Variants in FSTL5 observed in about 807,000 individuals in gnomAD.
FSTL5 encodes follistatin like 5, also known as follistatin-related protein 5.
FSTL5 carries 62 observed loss-of-function variants against 89.1 expected under a neutral mutation model. That is an observed-to-expected ratio of 0.70 (90% CI 0.57 to 0.86). The LOEUF (loss-of-function observed/expected upper bound fraction) is 0.86. Among genes scored for constraint, FSTL5 ranks in the 40% least tolerant of loss-of-function variants. The pLI is 0.00. For missense variants in FSTL5, 1,057 were observed against 1,001.6 expected (o/e 1.06, Z -0.75); for synonymous variants, 383 against 346.2 (o/e 1.11, Z -1.18).
At chr4:162,055,236 T>A (rs1041054878) in intron 2 of FSTL5, among the ~76,000 whole-genome samples, 2 of 151,830 alleles carry the variant, frequency 1.3e-5, no homozygotes, top group Admixed American at 6.6e-5. Context: ...GATTTAAAAA[T>A]ATATATATTT....
chr4:161,726,227 CTTTTTTT>C (rs5863477), intron 6 of FSTL5, among the ~76,000 whole-genome samples: 1 of 113,678 alleles, frequency 8.8e-6, no homozygotes, highest in East Asian at 2.6e-4. Context: ...TTTTCTTTTT[CTTTTTTT>C]TTTTTTTTTT....
chr4:162,157,518 G>A (rs757604929), intron 1 of FSTL5, among the ~76,000 whole-genome samples: 18 of 151,736 alleles, frequency 1.2e-4, no homozygotes, highest in Non-Finnish European at 2.2e-4. Context: ...GACTTCCTAG[G>A]GCTCCACAGA....
In FSTL5 at chr4:162,081,912, A is replaced by C. The variant is rs113291242; in HGVS notation, c.126+29359T>G. On this transcript the variant is annotated intron_variant, in intron 2 of 15. Transcript: ENST00000306100. ...GCTCAGTAAACAAAAATCAGCCCTT[A>C]ATCCTAATAAAACATCTTAAACAAG... Among the ~76,000 whole-genome samples the C allele has an allele frequency of 1.4e-3, 206 of 151,608 alleles. 2 individuals are homozygous for C. The highest frequency in any genetic ancestry group is 3.8e-3 in the Admixed American group (58 of 15,164).
At chr4:161,894,279 GA>G (rs956761385) in intron 4 of FSTL5, among the ~76,000 whole-genome samples, 3 of 151,940 alleles carry the variant, frequency 2.0e-5, no homozygotes, top group African/African-American at 4.8e-5. Flanking sequence ...GTCCTGGCAT[GA>G]AAAAAATCAA....
chr4:161,833,147 T>A (rs1730905075), intron 4 of FSTL5, among the ~76,000 whole-genome samples: 1 of 151,692 alleles, frequency 6.6e-6, no homozygotes, highest in East Asian at 1.9e-4. Flanking sequence ...TACCCAGTAG[T>A]CATTCAGGAG....
At chr4:162,041,329 G>A (rs1737947725) in intron 2 of FSTL5, among the ~76,000 whole-genome samples, 4 of 151,834 alleles carry the variant, frequency 2.6e-5, no homozygotes, top group Admixed American at 2.6e-4. Flanking sequence ...CTGCAAAACA[G>A]CAAATAGTGT....
intron 10 of FSTL5, among the ~76,000 whole-genome samples, chr4:161,519,933 T>C (rs929040188): frequency 2.0e-5 from 3 of 152,164 alleles, no homozygotes; most frequent in East Asian, 1.9e-4. Flanking sequence ...ATATATTAAG[T>C]GCCTGGCACA....
At chr4:162,090,022 G>C (rs1393084801) in intron 2 of FSTL5, among the ~76,000 whole-genome samples, 1 of 152,056 alleles carries the variant, frequency 6.6e-6, no homozygotes, top group Non-Finnish European at 1.5e-5. Flanking sequence ...AATGGTGCTG[G>C]GATAACTGGC....
chr4:161,922,688 T>C (rs918528707), intron 3 of FSTL5, among the ~76,000 whole-genome samples: 16 of 151,990 alleles, frequency 1.1e-4, no homozygotes, highest in African/African-American at 3.9e-4. Flanking sequence ...AAAATATATA[T>C]ACTAAGAGAA....
At chr4:161,633,977 A>T (rs188448705) in intron 7 of FSTL5, among the ~76,000 whole-genome samples, 1 of 152,224 alleles carries the variant, frequency 6.6e-6, no homozygotes, top group Non-Finnish European at 1.5e-5. Context: ...ATTATTTTGG[A>T]GTTACCTTTC....
At chr4:161,613,261 G>A (rs1038418057) in intron 7 of FSTL5, among the ~76,000 whole-genome samples, 4 of 152,052 alleles carry the variant, frequency 2.6e-5, no homozygotes, top group Admixed American at 6.6e-5. Context: ...GACCATCCTG[G>A]CCAAAATGGT....
intron 3 of FSTL5, among the ~76,000 whole-genome samples, chr4:161,979,158 G>A (rs1385529500): frequency 4.6e-5 from 7 of 152,196 alleles, no homozygotes; most frequent in African/African-American, 1.7e-4. Flanking sequence ...GGATGTCAGA[G>A]GCTTGAAATG....
At chr4:161,460,305 T>C (rs1284655003) in intron 13 of FSTL5, among the ~76,000 whole-genome samples, 1 of 151,720 alleles carries the variant, frequency 6.6e-6, no homozygotes, top group East Asian at 1.9e-4. Flanking sequence ...TTGTCACATA[T>C]GTATACATGT....
intron 6 of FSTL5, among the ~76,000 whole-genome samples, chr4:161,736,153 C>A (rs1739808111): frequency 1.3e-5 from 2 of 151,990 alleles, no homozygotes; most frequent in Non-Finnish European, 2.9e-5. Context: ...TGAATCCTAT[C>A]CCAACATTTG....
intron 3 of FSTL5, among the ~76,000 whole-genome samples, chr4:161,980,798 A>C (rs1735806402): frequency 8.4e-6 from 1 of 119,414 alleles, no homozygotes; most frequent in South Asian, 2.9e-4. Context: ...TTTTTTAGAG[A>C]CAGAGTCTCA....
chr4:161,536,598 G>T (rs1225680365), intron 10 of FSTL5, among the ~76,000 whole-genome samples: 1 of 151,990 alleles, frequency 6.6e-6, no homozygotes, highest in African/African-American at 2.4e-5. Flanking sequence ...TTAATTACAT[G>T]CATGATTATT....
At chr4:161,863,837 G>A (rs1216413644) in intron 4 of FSTL5, among the ~76,000 whole-genome samples, 3 of 152,160 alleles carry the variant, frequency 2.0e-5, no homozygotes, top group African/African-American at 7.2e-5. Context: ...AGCACCGCTG[G>A]GAGGGGTCTG....
At chr4:161,974,509 C>G (rs1735575498) in intron 3 of FSTL5, among the ~76,000 whole-genome samples, 1 of 132,178 alleles carries the variant, frequency 7.6e-6, no homozygotes, top group Non-Finnish European at 1.6e-5. Context: ...GGAAAGGATT[C>G]CCTATTTAAT....
At chr4:161,510,737 T>A (rs1187446183) in intron 10 of FSTL5, among the ~76,000 whole-genome samples, 1 of 151,714 alleles carries the variant, frequency 6.6e-6, no homozygotes, top group Non-Finnish European at 1.5e-5. Context: ...TTGAAATGTA[T>A]TTTTAGAGCA....
Sources: allele counts gnomAD v4.1 joint callset (sites outside exome capture counted in the v4.1 genomes callset), GRCh38; gene constraint gnomAD v4.1.1; transcripts MANE v1.5; gene names NCBI Gene and HGNC (gene_info 2026-07-23, HGNC 2026-07-21).